AMD1: variants seen among roughly 807,000 people sequenced by gnomAD.
AMD1 encodes S-adenosylmethionine decarboxylase proenzyme.
AMD1 carries 11 observed loss-of-function variants against 40.2 expected under a neutral mutation model. The ratio of observed to expected loss-of-function variants is 0.27; its 90% CI spans 0.17 to 0.45. The LOEUF (loss-of-function observed/expected upper bound fraction) is 0.45. Ranked by LOEUF, AMD1 falls within the 20% of genes least tolerant of loss-of-function variation. AMD1 has a pLI of 1.00. For missense variants in AMD1, 257 were observed against 410.2 expected, an observed-to-expected ratio of 0.63 and a Z score of 3.23; for synonymous variants, 121 against 130.8, an observed-to-expected ratio of 0.93 and a Z score of 0.51.
chr6:110,860,840 CA>C, the AMD1 span, among the ~76,000 whole-genome samples: 155 of 148,320 alleles, frequency 1.0e-3, 4 homozygotes, highest in Middle Eastern at 0.014. Flanking sequence ...CACCCACACA[CA>C]CACACACACA....
chr6:110,868,514 A>T, the AMD1 span, among the ~76,000 whole-genome samples: 5 of 152,074 alleles, frequency 3.3e-5, no homozygotes, highest in African/African-American at 1.2e-4. Flanking sequence ...AAACATTATC[A>T]CTAAATGTGT....
the AMD1 span, among the ~76,000 whole-genome samples, chr6:110,847,524 C>CA: frequency 0.043 from 6,010 of 138,842 alleles, 377 homozygotes; most frequent in East Asian, 0.35. Flanking sequence ...GACTCCGTCT[C>CA]AAAAAAAAAA....
At chr6:110,870,297 G>A (rs1468514070), upstream of AMD1, among the ~76,000 whole-genome samples, 1 of 152,170 alleles carries the variant, frequency 6.6e-6, no homozygotes, top group Non-Finnish European at 1.5e-5. Context: ...GAAACAGTAG[G>A]AAGCCAGTTC....
intron 4 of AMD1, chr6:110,890,860 C>G (rs1299561828): frequency 6.6e-6 from 1 of 152,014 alleles, no homozygotes; most frequent in Non-Finnish European, 1.5e-5. Context: ...TCAAAATATG[C>G]AGAATTTATA....
At chr6:110,892,612 GC>G in intron 6 of AMD1, 122 bp from the exon 7 acceptor site, 1 of 1,395,060 alleles carries the variant, frequency 7.2e-7, no homozygotes, top group Non-Finnish European at 1.0e-6. Context: ...CAGGTGTTAA[GC>G]CTAGTACCCA....
the AMD1 span, among the ~76,000 whole-genome samples, chr6:110,836,970 A>G: frequency 6.6e-6 from 1 of 152,056 alleles, no homozygotes; most frequent in African/African-American, 2.4e-5. Flanking sequence ...CCTGGGCAAC[A>G]TAATGAGACC....
At position 110,895,623 on chromosome 6, in the gene AMD1, C is replaced by T. The variant is rs1346726267; in HGVS notation, c.*2007C>T. Reference sequence around the variant, plus strand: ...GTTTTGGTGCCATAATTTCTCCTTTCACTGGTGTTGGACTTAAATCAGTTG... The same window carrying T: ...GTTTTGGTGCCATAATTTCTCCTTTTACTGGTGTTGGACTTAAATCAGTTG... On this transcript the variant is annotated 3_prime_UTR_variant, in exon 9 of 9. Transcript: ENST00000368885. 1 of 152,632 alleles carries T rather than the reference C, an allele frequency of 6.6e-6. No individual in the cohort carries two copies. The highest frequency in any genetic ancestry group is 2.4e-5 in the African/African-American group (1 of 41,460). The allele number at this position is 152,632 out of a possible 1,614,324, so 9.5% of individuals were successfully genotyped here.
chr6:110,832,964 G>T, the AMD1 span, among the ~76,000 whole-genome samples: 1 of 152,120 alleles, frequency 6.6e-6, no homozygotes, highest in African/African-American at 2.4e-5. Flanking sequence ...GGGATTACAG[G>T]CGCCCACCAC....
chr6:110,879,251 T>A (rs1010731563), intron 1 of AMD1, among the ~76,000 whole-genome samples: 1 of 152,144 alleles, frequency 6.6e-6, no homozygotes, highest in African/African-American at 2.4e-5. Context: ...CTCGGGAAGC[T>A]GAGGTGGGAG....
chr6:110,884,779 G>T (rs1205395115), intron 1 of AMD1, among the ~76,000 whole-genome samples: 1 of 152,188 alleles, frequency 6.6e-6, no homozygotes, highest in Non-Finnish European at 1.5e-5. Flanking sequence ...GTTCAGCCAT[G>T]GAACGTGTTT....
the AMD1 span, among the ~76,000 whole-genome samples, chr6:110,836,964 G>A: frequency 5.3e-5 from 8 of 151,802 alleles, no homozygotes; most frequent in Admixed American, 1.3e-4. Flanking sequence ...GACCAACCTG[G>A]GCAACATAAT....
At chr6:110,846,749 AG>A in the AMD1 span, among the ~76,000 whole-genome samples, 1 of 152,050 alleles carries the variant, frequency 6.6e-6, no homozygotes, top group Admixed American at 6.6e-5. Context: ...GTGTGCCTGT[AG>A]TCCCAGCTAC....
chr6:110,874,780 C>T (rs887057022), upstream of AMD1: 4 of 205,040 alleles, frequency 2.0e-5, no homozygotes, highest in East Asian at 1.1e-4. Context: ...TCACGCAGCG[C>T]TCTCGCTTAC....
rs538201593 is a variant in AMD1 at position 110,883,029 on chromosome 6, T to G, written c.111-4476T>G. On this transcript the variant is annotated intron_variant, in intron 1 of 8. Coordinates refer to ENST00000368885, the MANE Select transcript of AMD1 (RefSeq NM_001634.6). ...GTCCCAGCTACTTGGGAGGCTGAGGTGGGAGGATCTCTTTGAGCATGGGAG... is the reference window on the plus strand; with the variant it reads ...GTCCCAGCTACTTGGGAGGCTGAGGGGGGAGGATCTCTTTGAGCATGGGAG... Among the ~76,000 whole-genome samples the G allele has an allele frequency of 2.1e-4, 32 of 152,108 alleles. No homozygotes were observed. The East Asian group carries it at 6.0e-3, about 28-fold the overall frequency.
the AMD1 span, among the ~76,000 whole-genome samples, chr6:110,820,287 A>G: frequency 3.4e-5 from 5 of 145,608 alleles, no homozygotes; most frequent in South Asian, 1.1e-3. Flanking sequence ...CCCAGGCTGG[A>G]GCGCAATGGT....
At chr6:110,888,785 A>T in intron 2 of AMD1, 72 bp from the exon 3 acceptor site, 1 of 1,456,770 alleles carries the variant, frequency 6.9e-7, no homozygotes, top group South Asian at 1.3e-5. Context: ...GTAAATGATA[A>T]TTAAATTGGT....
the AMD1 span, among the ~76,000 whole-genome samples, chr6:110,841,768 G>C: frequency 6.7e-6 from 1 of 150,032 alleles, no homozygotes; most frequent in Non-Finnish European, 1.5e-5. Context: ...ATGCTGGATA[G>C]AATACATGAA....
chr6:110,816,417 A>G, the AMD1 span, among the ~76,000 whole-genome samples: 9 of 152,202 alleles, frequency 5.9e-5, no homozygotes, highest in African/African-American at 1.7e-4. Flanking sequence ...CCCAAATTAT[A>G]ACTGAAGGAG....
chr6:110,821,703 G>C, the AMD1 span, among the ~76,000 whole-genome samples: 1 of 152,272 alleles, frequency 6.6e-6, no homozygotes, highest in Admixed American at 6.5e-5. Flanking sequence ...AAGGAAAGGT[G>C]GGTGTGGGCA....
Sources: allele counts gnomAD v4.1 joint callset (sites outside exome capture counted in the v4.1 genomes callset), GRCh38; gene constraint gnomAD v4.1.1; transcripts MANE v1.5; gene names NCBI Gene and HGNC (gene_info 2026-07-23, HGNC 2026-07-21).